SCFD2: variants seen among roughly 807,000 people sequenced by gnomAD.
SCFD2 encodes the protein sec1 family domain-containing protein 2.
In SCFD2, 54 loss-of-function variants were observed where a neutral mutation model predicts 58.9. The observed-to-expected ratio is 0.92, with a 90% CI of 0.74 to 1.15. SCFD2 has a LOEUF of 1.15. Among genes scored for constraint, SCFD2 ranks in the 50% most tolerant of loss-of-function variants. SCFD2 has a pLI of 0.00. For missense variants in SCFD2, 805 were observed against 836.6 expected, an observed-to-expected ratio of 0.96 and a Z score of 0.47; for synonymous variants, 321 against 335.9, an observed-to-expected ratio of 0.96 and a Z score of 0.49.
intron 5 of SCFD2, among the ~76,000 whole-genome samples, chr4:53,118,694 C>A (rs1725391234): frequency 6.6e-6 from 1 of 152,072 alleles, no homozygotes; most frequent in Non-Finnish European, 1.5e-5. Flanking sequence ...TTACAAAGGA[C>A]AAAACTGAGA....
At chr4:53,184,038 T>C (rs558742391) in intron 4 of SCFD2, among the ~76,000 whole-genome samples, 1 of 152,166 alleles carries the variant, frequency 6.6e-6, no homozygotes, top group Non-Finnish European at 1.5e-5. Context: ...ATTAGCTAGA[T>C]AACGTAACCT....
intron 5 of SCFD2, among the ~76,000 whole-genome samples, chr4:53,119,594 GA>G (rs1157621664): frequency 6.6e-6 from 1 of 152,130 alleles, no homozygotes; most frequent in Non-Finnish European, 1.5e-5. Context: ...TGATGGTTAA[GA>G]AAAAAATAAA....
chr4:53,032,795 T>A (rs1187159672), intron 5 of SCFD2, among the ~76,000 whole-genome samples: 1 of 152,060 alleles, frequency 6.6e-6, no homozygotes, highest in African/African-American at 2.4e-5. Context: ...ATGCACCCAA[T>A]ACACAAGCAC....
At chr4:53,362,833 AAG>A (rs1418334715) in intron 1 of SCFD2, among the ~76,000 whole-genome samples, 1 of 152,180 alleles carries the variant, frequency 6.6e-6, no homozygotes, top group Non-Finnish European at 1.5e-5. Context: ...GAGAAGTGAA[AAG>A]AGAGGCTTTA....
At chr4:52,901,335 A>G (rs2101202) in intron 7 of SCFD2, among the ~76,000 whole-genome samples, 2,148 of 152,146 alleles carry the variant, frequency 0.014, 59 homozygotes, top group African/African-American at 0.049. Context: ...GGTCCCCTCC[A>G]CTTTAACCTG....
At chr4:53,330,644 C>T (rs1733418675) in intron 2 of SCFD2, among the ~76,000 whole-genome samples, 1 of 151,738 alleles carries the variant, frequency 6.6e-6, no homozygotes, top group Admixed American at 6.6e-5. Context: ...CAAAATCATG[C>T]CAAAATGTAA....
At chr4:53,251,297 C>G (rs1182157145) in intron 4 of SCFD2, among the ~76,000 whole-genome samples, 2 of 152,044 alleles carry the variant, frequency 1.3e-5, no homozygotes, top group Non-Finnish European at 2.9e-5. Flanking sequence ...CGAATTCTAC[C>G]AGAGGTACAA....
intron 5 of SCFD2, among the ~76,000 whole-genome samples, chr4:53,038,114 T>C (rs1722809147): frequency 6.6e-6 from 1 of 152,186 alleles, no homozygotes; most frequent in South Asian, 2.1e-4. Flanking sequence ...TAATAATTGG[T>C]AACACAAAGT....
chr4:53,044,713 G>A (rs1298955614), intron 5 of SCFD2, among the ~76,000 whole-genome samples: 1 of 149,006 alleles, frequency 6.7e-6, no homozygotes, highest in African/African-American at 2.5e-5. Flanking sequence ...TCCTTGCCAA[G>A]CCTTTAAAAA....
chr4:53,150,349 G>C (rs1264593395), intron 4 of SCFD2, among the ~76,000 whole-genome samples: 4 of 152,208 alleles, frequency 2.6e-5, no homozygotes, highest in Non-Finnish European at 1.5e-5. Flanking sequence ...GTGGCAAAGA[G>C]AGGCAGGGTG....
At chr4:53,095,907 C>T (rs1168520898) in intron 5 of SCFD2, among the ~76,000 whole-genome samples, 1 of 151,736 alleles carries the variant, frequency 6.6e-6, no homozygotes, top group Non-Finnish European at 1.5e-5. Context: ...GTGTGATGTT[C>T]CCCTTCCTGT....
intron 8 of SCFD2, among the ~76,000 whole-genome samples, chr4:52,883,255 T>C (rs1222705888): frequency 6.6e-6 from 1 of 152,198 alleles, no homozygotes; most frequent in East Asian, 1.9e-4. Flanking sequence ...CAGCTGTGTG[T>C]CTGTCAAGGT....
intron 4 of SCFD2, among the ~76,000 whole-genome samples, chr4:53,207,560 A>T (rs1419892725): frequency 3.2e-5 from 3 of 94,062 alleles, no homozygotes; most frequent in Non-Finnish European, 4.2e-5. Context: ...ATTTATATAT[A>T]ATATATATAA....
chr4:53,246,248 T>C (rs1160198992), intron 4 of SCFD2, among the ~76,000 whole-genome samples: 1 of 152,228 alleles, frequency 6.6e-6, no homozygotes, highest in African/African-American at 2.4e-5. Flanking sequence ...AGAATCAGCA[T>C]TGTCAAAATG....
At chr4:52,948,405 C>T (rs1720497875) in intron 5 of SCFD2, 4 of 416,708 alleles carry the variant, frequency 9.6e-6, no homozygotes, top group Middle Eastern at 3.5e-4. Context: ...CCTGGACTCA[C>T]GAGCTAGCAA....
At chr4:52,900,675 CA>C (rs1349746761) in intron 7 of SCFD2, among the ~76,000 whole-genome samples, 1 of 152,234 alleles carries the variant, frequency 6.6e-6, no homozygotes, top group Non-Finnish European at 1.5e-5. Context: ...AGCTGTCAGA[CA>C]GGGACATTTA....
chr4:53,104,883 G>T (rs1223412876), intron 5 of SCFD2, among the ~76,000 whole-genome samples: 1 of 152,118 alleles, frequency 6.6e-6, no homozygotes, highest in Non-Finnish European at 1.5e-5. Context: ...AAGAGAATTA[G>T]AGAGTGGCTG....
intron 8 of SCFD2, among the ~76,000 whole-genome samples, chr4:52,878,350 G>C (rs1718529911): frequency 6.6e-6 from 1 of 152,148 alleles, no homozygotes; most frequent in South Asian, 2.1e-4. Context: ...GACAGCTCCA[G>C]GTAAATGTGT....
intron 5 of SCFD2, among the ~76,000 whole-genome samples, chr4:53,104,497 T>A (rs1724928240): frequency 1.3e-5 from 2 of 152,196 alleles, no homozygotes; most frequent in African/African-American, 2.4e-5. Context: ...GCACCCTGGA[T>A]GGAATCCTAG....
Sources: allele counts gnomAD v4.1 joint callset (sites outside exome capture counted in the v4.1 genomes callset), GRCh38; gene constraint gnomAD v4.1.1; transcripts MANE v1.5; gene names NCBI Gene and HGNC (gene_info 2026-07-23, HGNC 2026-07-21).